The following MYT1 variants were observed in gnomAD, a reference collection of about 807,000 sequenced individuals.
MYT1 encodes myelin transcription factor 1, also known as myelin transcription factor I.
In MYT1, 23 loss-of-function variants were observed where a neutral mutation model predicts 123.0. That is an observed-to-expected ratio of 0.19 (90% CI 0.13 to 0.26). The LOEUF (loss-of-function observed/expected upper bound fraction) is 0.26. Among genes scored for constraint, MYT1 ranks in the 10% least tolerant of loss-of-function variants. The pLI is 1.00. For synonymous variants in MYT1, 518 were observed against 575.3 expected, an observed-to-expected ratio of 0.90 and a Z score of 1.43; for missense variants, 1,125 against 1,472.5, an observed-to-expected ratio of 0.76 and a Z score of 3.86.
At chr20:64,225,302 C>T (rs1015094602) in intron 16 of MYT1, among the ~76,000 whole-genome samples, 8 of 152,348 alleles carry the variant, frequency 5.3e-5, no homozygotes, top group South Asian at 4.1e-4. Context: ...CCATGGGTGA[C>T]GGTGGCCTTG....
intron 5 of MYT1, 89 bp from the exon 6 acceptor site, chr20:64,205,463 AG>A (rs1983460412): frequency 6.5e-7 from 1 of 1,534,554 alleles, no homozygotes. Context: ...GAAGGGAGGG[AG>A]GGAGGACCCT....
In MYT1 at chr20:64,203,505, T is replaced by C. The variant is rs1161646426; in HGVS notation, c.87-1530T>C. On this transcript the variant is annotated intron_variant, in intron 4 of 22. Coordinates refer to ENST00000328439, the MANE Select transcript of MYT1 (RefSeq NM_004535.3). This position sits in a 1 kb window ranked among gnomAD's most constrained non-coding sequence, Gnocchi z 5.1. ...GTGGTGTGCCCTCCCTCTCTCGCTC[T>C]CTCCCTCTTCCTCCCTCTTCCCCTC... Among the ~76,000 whole-genome samples the C allele has an allele frequency of 6.6e-6, 1 of 152,000 alleles. No homozygotes were observed. Among genetic ancestry groups the C allele is most frequent in the Non-Finnish European group, 1.5e-5 (1 of 67,992 alleles).
chr20:64,191,025 A>G lies in MYT1; in HGVS notation c.-1+865A>G, dbSNP rs967779235. 3.3e-5 allele frequency among the ~76,000 whole-genome samples: 5 copies of G among 152,204 alleles called. No individual in the cohort carries two copies. Among genetic ancestry groups the G allele is most frequent in the African/African-American group, 1.2e-4 (5 of 41,462 alleles). On this transcript the variant is annotated intron_variant, in intron 2 of 22. Coordinates refer to ENST00000328439, the MANE Select transcript of MYT1 (RefSeq NM_004535.3). This position sits in a 1 kb window ranked among gnomAD's most constrained non-coding sequence, Gnocchi z 4.1. ...CCCACCAAAATGAAAATGTGACCCC[A>G]GAGTCTCACTTCCTTGCTTTGAGGT... is the stretch of plus-strand genomic sequence containing the variant.
Position 64,200,073 on chromosome 20 carries a change from A to C in MYT1, c.86+151A>C. On this transcript the variant is annotated intron_variant, in intron 4 of 22. Coordinates refer to ENST00000328439, the MANE Select transcript of MYT1 (RefSeq NM_004535.3). ...TAAGGAGACTGCCTTTCTCCTGGCC[A>C]CGTGTCCAGCTATCTTGGCCCCATC... The C allele has an allele frequency of 3.4e-6, 3 of 888,270 alleles. No individual in the cohort carries two copies. The South Asian group carries it at 4.3e-5, about 13-fold the overall frequency. 55.0% of individuals were successfully genotyped at this position (888,270 alleles called of 1,614,324 possible). A position where few individuals can be genotyped will look rare whatever the true frequency, so the allele number is the denominator to read the frequency against.
At chr20:64,199,489 T>C (rs890176119) in intron 3 of MYT1, among the ~76,000 whole-genome samples, 11 of 152,196 alleles carry the variant, frequency 7.2e-5, no homozygotes, top group Admixed American at 6.5e-4. Context: ...GTCCAGTTGT[T>C]CTCTTCTCTG....
chr20:64,169,389 C>T (rs1054916262), intron 1 of MYT1, among the ~76,000 whole-genome samples: 1 of 152,246 alleles, frequency 6.6e-6, no homozygotes, highest in African/African-American at 2.4e-5. Context: ...TGGGTCTTTA[C>T]ACCTACAGGG....
Position 64,193,482 on chromosome 20 carries a change from T to C in MYT1, c.-1+3322T>C, listed in dbSNP as rs540087618. Among the ~76,000 whole-genome samples, 3 of 152,290 alleles carry C rather than the reference T, an allele frequency of 2.0e-5. No homozygotes were observed. The South Asian group carries it at 6.2e-4, about 32-fold the overall frequency. ...CCACAATACTGTCTGCTGTAATGGC[T>C]TCACAGCAGTGACAGGGAAGTTGAT... On this transcript the variant is annotated intron_variant, in intron 2 of 22. Transcript: ENST00000328439. This position sits in a 1 kb window ranked among gnomAD's most constrained non-coding sequence, Gnocchi z 4.0.
At chr20:64,178,764 C>A (rs351884) in intron 1 of MYT1, among the ~76,000 whole-genome samples, 3 of 69,776 alleles carry the variant, frequency 4.3e-5, no homozygotes, top group South Asian at 6.1e-4. Flanking sequence ...AGCACTGAGC[C>A]GTTATTCGGT....
In MYT1 at chr20:64,220,643, C is replaced by G. The variant is rs569136045; in HGVS notation, c.2241+661C>G. On this transcript the variant is annotated intron_variant, in intron 13 of 22. Transcript: ENST00000328439. ...GCAAAGTCCAGCTGTGAGGGCAGCC[C>G]AGGGTCCAGGCGGCAGCAGCCGCGT... 3.3e-5 allele frequency among the ~76,000 whole-genome samples: 5 copies of G among 152,376 alleles called. No homozygotes were observed. In the East Asian group the frequency reaches 9.6e-4, roughly 29 times the overall value.
intron 18 of MYT1, among the ~76,000 whole-genome samples, chr20:64,228,397 T>G (rs563446762): frequency 3.3e-5 from 5 of 152,202 alleles, no homozygotes; most frequent in Non-Finnish European, 7.3e-5. Flanking sequence ...CCAAATCCCA[T>G]GTGTCCATCC....
At chr20:64,234,543 T>A (rs941114243) in intron 19 of MYT1, among the ~76,000 whole-genome samples, 2 of 152,330 alleles carry the variant, frequency 1.3e-5, no homozygotes, top group South Asian at 4.1e-4. Context: ...CTCCAGGTCA[T>A]CTAGGTGAGG....
At chr20:64,195,005 C>T (rs1167235485) in intron 2 of MYT1, among the ~76,000 whole-genome samples, 1 of 152,098 alleles carries the variant, frequency 6.6e-6, no homozygotes, top group Non-Finnish European at 1.5e-5. Flanking sequence ...AGGTGATTCT[C>T]CTGCCTCAGC....
In MYT1 at chr20:64,185,050, G is replaced by C. The variant is rs143591960; in HGVS notation, c.-98-5013G>C. On this transcript the variant is annotated intron_variant, in intron 1 of 22. Transcript: ENST00000328439. This position sits in a 1 kb window ranked among gnomAD's most constrained non-coding sequence, Gnocchi z 4.5. ...AGAGGGATGTGGGTGGAGGCCAACT[G>C]TGGTGGGGAGTGAAGCGTAGTTATG... Among the ~76,000 whole-genome samples the C allele has an allele frequency of 6.6e-6, 1 of 152,318 alleles. No homozygotes were observed. Among genetic ancestry groups the C allele is most frequent in the Admixed American group, 6.5e-5 (1 of 15,300 alleles).
intron 1 of MYT1, among the ~76,000 whole-genome samples, chr20:64,173,601 G>C (rs1982361129): frequency 6.6e-6 from 1 of 151,694 alleles, no homozygotes; most frequent in African/African-American, 2.4e-5. Flanking sequence ...TTTCCTAGTT[G>C]TGTCCATTTC....
rs1473086379 is a variant in MYT1, at chr20:64,189,605, C to A, written c.-98-458C>A. Among the ~76,000 whole-genome samples the A allele has an allele frequency of 6.6e-6, 1 of 152,176 alleles. No homozygotes were observed. The highest frequency in any genetic ancestry group is 2.4e-5 in the African/African-American group (1 of 41,436). On this transcript the variant is annotated intron_variant, in intron 1 of 22. Transcript: ENST00000328439. This position sits in a 1 kb window ranked among gnomAD's most constrained non-coding sequence, Gnocchi z 5.5. ...ATCAATGGGCTCCAGAGAAGTCGTG[C>A]AAAACAATCTTCTTTTTCAAATGCA... is the stretch of plus-strand genomic sequence containing the variant.
chr20:64,223,141 C>T lies in MYT1; in HGVS notation c.2427C>T (p.Gly809=). The T allele has an allele frequency of 6.2e-7, 1 of 1,614,220 alleles. No individual in the cohort carries two copies. Among genetic ancestry groups the T allele is most frequent in the Non-Finnish European group, 8.5e-7 (1 of 1,180,038 alleles). The stretch of plus-strand genomic sequence containing the variant: ...CCACCCCTGGCTGTGACGGCAGCGG[C>T]CACATCACCGGGAACTACGCCTCCC... ...TCPTPGCDGS[G]HITGNYASHR... is the part of the protein sequence containing the mutation. Residue 809 remains glycine, a synonymous_variant, in exon 15 of 23, where the codon GGC becomes GGT. Coordinates refer to ENST00000328439, the MANE Select transcript of MYT1 (RefSeq NM_004535.3).
chr20:64,194,108 C>T (rs916577525), intron 2 of MYT1, among the ~76,000 whole-genome samples: 1 of 152,214 alleles, frequency 6.6e-6, no homozygotes, highest in Non-Finnish European at 1.5e-5. Flanking sequence ...CCTGTCCATC[C>T]ACCCATCCTT....
At position 64,223,585 on chromosome 20, in the gene MYT1, G is replaced by A. The variant is rs538939876; in HGVS notation, c.2528+226G>A. Among the ~76,000 whole-genome samples the A allele has an allele frequency of 3.9e-4, 60 of 152,128 alleles. 2 individuals are homozygous for A. The South Asian group carries it at 0.011, about 28-fold the overall frequency. On this transcript the variant is annotated intron_variant, in intron 16 of 22. Transcript: ENST00000328439. ...TCTGAGCTCTGCTGTTTGCCTCTCC[G>A]CTGGGGGCTAGGGGTCGCTGCAGGC...
chr20:64,187,545 T>C (rs1982849597), intron 1 of MYT1, among the ~76,000 whole-genome samples: 1 of 152,200 alleles, frequency 6.6e-6, no homozygotes. Context: ...CCCCGGCATG[T>C]TGTTTGGGTG....
Sources: allele counts gnomAD v4.1 joint callset (sites outside exome capture counted in the v4.1 genomes callset), GRCh38; gene constraint gnomAD v4.1.1; non-coding constraint Gnocchi (gnomAD v3.1); transcripts MANE v1.5; gene names NCBI Gene and HGNC (gene_info 2026-07-23, HGNC 2026-07-21).